FAT1: variants seen among roughly 807,000 people sequenced by gnomAD.
FAT1 encodes FAT atypical cadherin 1.
Under a neutral mutation model 329.8 loss-of-function variants are expected in FAT1, and 171 were observed. The observed-to-expected ratio is 0.52, with a 90% CI of 0.46 to 0.59. FAT1 has a LOEUF of 0.59. FAT1 is among the 20% of genes least tolerant of loss of function. The probability of loss-of-function intolerance (pLI) is 0.00; values close to 1 mark genes in which losing one functional copy is unlikely to be tolerated. For missense variants in FAT1, 5,672 were observed against 5,774.4 expected (o/e 0.98, Z 0.57); for synonymous variants, 2,233 against 2,228.6 (o/e 1.00, Z -0.06).
At chr4:186,603,075 G>A (rs763449483) in intron 19 of FAT1, 41 bp from the exon 20 acceptor site, 11 of 1,612,790 alleles carry the variant, frequency 6.8e-6, no homozygotes, top group East Asian at 2.2e-5. Flanking sequence ...ATAATTAACA[G>A]ACATTTCAAG....
chr4:186,619,506 C>G lies in FAT1; in HGVS notation c.7080G>C (p.Val2360=), dbSNP rs2126506247. The stretch of plus-strand genomic sequence containing the variant: ...TGGGCATACCACCATCAACTGCCCT[C>G]ACAAAAATCGTGTGCTGCCGGGACT... The part of the protein sequence containing the change: ...YEQSRQHTIF[V]RAVDGGMPTL... Residue 2360 remains valine, a synonymous_variant, in exon 10 of 27, where the codon GTG becomes GTC. Transcript: ENST00000441802. 6.2e-7 allele frequency: 1 copy of G among 1,613,940 alleles called. No individual in the cohort carries two copies. Among genetic ancestry groups the G allele is most frequent in the Non-Finnish European group, 8.5e-7 (1 of 1,179,876 alleles).
chr4:186,592,250 A>G (rs2126369222), intron 26 of FAT1, among the ~76,000 whole-genome samples: 1 of 152,252 alleles, frequency 6.6e-6, no homozygotes, highest in East Asian at 1.9e-4. Context: ...ATATGAAAAT[A>G]TTCTTTTACC....
chr4:186,592,654 G>A (rs1300719290), intron 26 of FAT1: 2 of 455,396 alleles, frequency 4.4e-6, no homozygotes, highest in Admixed American at 2.4e-5. Flanking sequence ...CACGGCTGCT[G>A]CAAGACACAG....
chr4:186,658,154 T>C (rs934879193), intron 3 of FAT1, among the ~76,000 whole-genome samples: 1 of 152,206 alleles, frequency 6.6e-6, no homozygotes, highest in Non-Finnish European at 1.5e-5. Context: ...AAATTAGCAA[T>C]GTCAACAAAA....
At position 186,618,118 on chromosome 4, in the gene FAT1, G is replaced by A. The variant is rs964168780; in HGVS notation, c.8468C>T (p.Pro2823Leu). 5 of 1,613,822 alleles carry A rather than the reference G, an allele frequency of 3.1e-6. No homozygotes were observed. Among genetic ancestry groups the A allele is most frequent in the Admixed American group, 3.3e-5 (2 of 60,004 alleles). Residue 2823 changes from proline (P) to leucine (L), a missense_variant, in exon 10 of 27, where the codon CCA becomes CTA. Pro to Leu is a moderately conservative substitution (Grantham distance 98). Around this residue, in one of 2 missense-constraint regions of FAT1, gnomAD observed 3,966 missense variants for 3,915.2 expected, o/e 1.01. Transcript: ENST00000441802. ...PYEAFIVENL[P>L]GGSRVIQIRA... ...GATCTGAATTACTCTACTTCCCCCT[G>A]GCAGGTTTTCAACAATGAATGCCTC... is the stretch of plus-strand genomic sequence containing the variant.
At chr4:186,611,309 T>C (rs1466231357) in intron 14 of FAT1, 77 bp downstream of exon 14, 24 of 1,375,338 alleles carry the variant, frequency 1.7e-5, no homozygotes, top group Non-Finnish European at 2.3e-5. Flanking sequence ...GGTCACTTAA[T>C]ACAAGGCAAC....
chr4:186,704,725 T>C (rs984798952), intron 2 of FAT1, among the ~76,000 whole-genome samples: 1 of 152,194 alleles, frequency 6.6e-6, no homozygotes. Context: ...ACTGGACAGA[T>C]AAAATGATAA....
chr4:186,659,785 C>G (rs889472895), intron 3 of FAT1, among the ~76,000 whole-genome samples: 2 of 149,000 alleles, frequency 1.3e-5, no homozygotes, highest in Non-Finnish European at 3.0e-5. Flanking sequence ...ACTTTACACA[C>G]ACAATCCGGC....
chr4:186,636,546 C>T (rs2126562251), intron 5 of FAT1, 39 bp downstream of exon 5: 2 of 1,526,434 alleles, frequency 1.3e-6, no homozygotes, highest in Non-Finnish European at 1.8e-6. Context: ...TTTATAGTCA[C>T]AACATATGAA....
chr4:186,598,035 C>A lies in FAT1; in HGVS notation c.12194G>T (p.Gly4065Val), dbSNP rs1160858792. Residue 4065 changes from glycine (G) to valine (V), a missense_variant, in exon 23 of 27, where the codon GGC (glycine) becomes GTC (valine). Physicochemically the swap from Gly to Val is moderately radical, Grantham distance 109 (BLOSUM62 -3). This residue lies in a region of FAT1 where 1,706 missense variants were observed against 1,859.1 expected (regional missense o/e 0.92). Transcript: ENST00000441802. ...GCCTCCGTTGTCGACAACACACGTG[C>A]CCCCATAGAGGCATGGCTTGGAGGA... ...PCSSKPCLYG[G>V]TCVVDNGGFV... The A allele has an allele frequency of 6.2e-7, 1 of 1,613,860 alleles. No individual in the cohort carries two copies. The highest frequency in any genetic ancestry group is 8.5e-7 in the Non-Finnish European group (1 of 1,179,824).
At chr4:186,703,064 A>G (rs1744402796) in intron 2 of FAT1, among the ~76,000 whole-genome samples, 1 of 152,130 alleles carries the variant, frequency 6.6e-6, no homozygotes, top group Non-Finnish European at 1.5e-5. Context: ...CTCCCCTTCC[A>G]GACCTCACAT....
intron 9 of FAT1, among the ~76,000 whole-genome samples, chr4:186,627,915 C>T (rs1232970858): frequency 4.6e-5 from 7 of 152,040 alleles, no homozygotes; most frequent in African/African-American, 1.7e-4. Flanking sequence ...CTTCTCAGAG[C>T]CTTGAACTGG....
intron 16 of FAT1, 47 bp downstream of exon 16, chr4:186,609,136 T>C: frequency 6.3e-7 from 1 of 1,594,022 alleles, no homozygotes; most frequent in East Asian, 2.2e-5. Context: ...TTTCTAGTTA[T>C]TGATGTGGTG....
intron 1 of FAT1, among the ~76,000 whole-genome samples, chr4:186,723,093 A>T (rs1257115152): frequency 6.6e-6 from 1 of 152,360 alleles, no homozygotes; most frequent in African/African-American, 2.4e-5. Flanking sequence ...TCTTTTAAAA[A>T]GATCTTAGAA....
intron 2 of FAT1, among the ~76,000 whole-genome samples, chr4:186,681,604 G>C (rs1743207969): frequency 6.6e-6 from 1 of 152,194 alleles, no homozygotes; most frequent in South Asian, 2.1e-4. Context: ...ACACATACGT[G>C]CAGCACAGAA....
At position 186,600,230 on chromosome 4, in the gene FAT1, C is replaced by T. The variant is rs375087606; in HGVS notation, c.11771G>A (p.Arg3924His). 28 of 1,613,910 alleles carry T rather than the reference C, an allele frequency of 1.7e-5. No homozygotes were observed. The highest frequency in any genetic ancestry group is 1.7e-4 in the African/African-American group (13 of 74,944). The part of the protein sequence containing the change: ...VALEVNGNYA[R>H]LVLDQVHTAS... ...AGTATGAACTTGGTCTAGAACCAAG[C>T]GAGCATAGTTTCCATTCACTTCCAG... Residue 3924 changes from arginine (R) to histidine (H), a missense_variant, in exon 22 of 27, where the codon CGC (arginine) becomes CAC (histidine). This residue lies in a region of FAT1 where 1,706 missense variants were observed against 1,859.1 expected (regional missense o/e 0.92). Coordinates refer to ENST00000441802, the MANE Select transcript of FAT1 (RefSeq NM_005245.4).
intron 2 of FAT1, among the ~76,000 whole-genome samples, chr4:186,677,464 C>T (rs1743010865): frequency 6.6e-6 from 1 of 151,212 alleles, no homozygotes; most frequent in African/African-American, 2.4e-5. Flanking sequence ...CATATTAATC[C>T]CATAACTCCC....
At chr4:186,663,637 A>G (rs2126619132) in intron 2 of FAT1, 24 bp from the exon 3 acceptor site, 1 of 1,567,144 alleles carries the variant, frequency 6.4e-7, no homozygotes, top group Non-Finnish European at 8.6e-7. Flanking sequence ...AGAAAAGCGT[A>G]AAGCAGCACA....
chr4:186,591,905 T>C (rs1480882946), intron 26 of FAT1, among the ~76,000 whole-genome samples: 1 of 152,128 alleles, frequency 6.6e-6, no homozygotes, highest in African/African-American at 2.4e-5. Flanking sequence ...CTCGATGGCC[T>C]CTGTAAGCAG....
Sources: allele counts gnomAD v4.1 joint callset (sites outside exome capture counted in the v4.1 genomes callset), GRCh38; gene constraint gnomAD v4.1.1; regional missense constraint gnomAD v4.1.1; transcripts MANE v1.5; gene names NCBI Gene and HGNC (gene_info 2026-07-23, HGNC 2026-07-21).